The following STXBP6 variants were observed in gnomAD, a reference collection of about 807,000 sequenced individuals.
STXBP6 encodes syntaxin binding protein 6, also known as syntaxin-binding protein 6.
A neutral mutation model predicts 26.9 loss-of-function variants in STXBP6; 21 were observed. The observed-to-expected ratio is 0.78, with a 90% CI of 0.55 to 1.12. STXBP6 has a LOEUF of 1.12. Ranked by LOEUF, STXBP6 falls within the 50% of genes most tolerant of loss-of-function variation. The probability of loss-of-function intolerance (pLI) is 0.00; values close to 1 mark genes in which losing one functional copy is unlikely to be tolerated. For synonymous variants in STXBP6, 97 were observed against 92.6 expected (o/e 1.05, Z -0.27); for missense variants, 232 against 257.9 (o/e 0.90, Z 0.69).
intron 1 of STXBP6, among the ~76,000 whole-genome samples, chr14:25,007,362 G>T (rs1207209931): frequency 6.6e-6 from 1 of 152,166 alleles, no homozygotes; most frequent in Non-Finnish European, 1.5e-5. Context: ...TTCTGACGGT[G>T]ACTGTGATAA....
intron 2 of STXBP6, among the ~76,000 whole-genome samples, chr14:24,902,189 GTCA>G (rs1395405380): frequency 1.3e-5 from 2 of 152,098 alleles, no homozygotes; most frequent in South Asian, 4.1e-4. Context: ...TACAAGAATA[GTCA>G]TCATAAAATG....
intron 2 of STXBP6, among the ~76,000 whole-genome samples, chr14:24,868,706 G>C (rs1046362828): frequency 6.6e-6 from 1 of 152,148 alleles, no homozygotes; most frequent in Non-Finnish European, 1.5e-5. Flanking sequence ...GGCAGGAGTG[G>C]GCATGAAAGC....
At chr14:24,898,548 G>T (rs2071085868) in intron 2 of STXBP6, among the ~76,000 whole-genome samples, 1 of 152,062 alleles carries the variant, frequency 6.6e-6, no homozygotes, top group African/African-American at 2.4e-5. Context: ...GTGGTGGCAT[G>T]CGCCTATAGT....
In STXBP6 at chr14:24,964,679, G is replaced by A. The variant is rs895035678; in HGVS notation, c.154+9986C>T. The stretch of plus-strand genomic sequence containing the variant: ...TGTGTGTGTGTGTGTGTGTGTGTGT[G>A]TGTATGTAAAGGAAGGGTAACAGGA... On this transcript the variant is annotated intron_variant, in intron 2 of 5. Coordinates refer to ENST00000323944, the MANE Select transcript of STXBP6 (RefSeq NM_001394410.1). Among the ~76,000 whole-genome samples the A allele has an allele frequency of 5.9e-4, 90 of 151,798 alleles. 1 individual carries two copies. Among genetic ancestry groups the A allele is most frequent in the African/African-American group, 2.2e-3 (89 of 41,346 alleles).
intron 2 of STXBP6, among the ~76,000 whole-genome samples, chr14:24,970,399 C>T (rs2140175295): frequency 6.6e-6 from 1 of 152,270 alleles, no homozygotes; most frequent in South Asian, 2.1e-4. Context: ...AAAAAATTGC[C>T]TCAGGCCCCT....
chr14:24,863,945 A>G (rs1275281477), intron 2 of STXBP6, among the ~76,000 whole-genome samples: 1 of 152,168 alleles, frequency 6.6e-6, no homozygotes, highest in Non-Finnish European at 1.5e-5. Context: ...ATAACTGTGA[A>G]ACAAACAAAC....
intron 4 of STXBP6, among the ~76,000 whole-genome samples, chr14:24,830,269 AT>A (rs950413926): frequency 6.6e-6 from 1 of 152,114 alleles, no homozygotes; most frequent in Non-Finnish European, 1.5e-5. Flanking sequence ...GACCAAGATA[AT>A]TTTTGGAAAT....
chr14:24,923,723 G>A (rs927706741), intron 2 of STXBP6, among the ~76,000 whole-genome samples: 17 of 152,034 alleles, frequency 1.1e-4, no homozygotes, highest in African/African-American at 4.1e-4. Flanking sequence ...CTGGTCATTT[G>A]CATTTCCTCT....
intron 1 of STXBP6, among the ~76,000 whole-genome samples, chr14:25,034,633 G>A (rs979307861): frequency 3.9e-5 from 6 of 152,226 alleles, no homozygotes; most frequent in Admixed American, 2.0e-4. Flanking sequence ...GGGACCAAAG[G>A]ACAACTTCTC....
intron 1 of STXBP6, among the ~76,000 whole-genome samples, chr14:25,026,671 C>A (rs556179790): frequency 6.6e-6 from 1 of 152,166 alleles, no homozygotes; most frequent in Non-Finnish European, 1.5e-5. Flanking sequence ...GCATACATAA[C>A]TTTTTCACAT....
At chr14:24,963,664 T>A (rs17257661) in intron 2 of STXBP6, among the ~76,000 whole-genome samples, 1 of 152,086 alleles carries the variant, frequency 6.6e-6, no homozygotes, top group Non-Finnish European at 1.5e-5. Flanking sequence ...AGCTTTGACA[T>A]ATTCAAGGTC....
intron 1 of STXBP6, among the ~76,000 whole-genome samples, chr14:25,040,133 A>G (rs555434375): frequency 6.6e-6 from 1 of 152,172 alleles, no homozygotes; most frequent in Non-Finnish European, 1.5e-5. Flanking sequence ...CAGCCTTGCA[A>G]AGGTCATACA....
intron 2 of STXBP6, among the ~76,000 whole-genome samples, chr14:24,918,452 CCACACACA>C (rs55810129): frequency 0.053 from 7,012 of 133,406 alleles, 203 homozygotes; most frequent in Middle Eastern, 0.081. Flanking sequence ...CACACCCCCA[CCACACACA>C]CACACACACA....
intron 4 of STXBP6, among the ~76,000 whole-genome samples, chr14:24,823,536 G>T (rs1027646203): frequency 3.9e-5 from 6 of 152,166 alleles, no homozygotes; most frequent in Middle Eastern, 3.4e-3. Context: ...AATACATATA[G>T]AGATATTTGA....
chr14:24,860,993 C>T (rs1321288309), intron 2 of STXBP6, among the ~76,000 whole-genome samples: 1 of 152,014 alleles, frequency 6.6e-6, no homozygotes, highest in Non-Finnish European at 1.5e-5. Flanking sequence ...TTACTATACA[C>T]ATTGAACTTG....
intron 2 of STXBP6, among the ~76,000 whole-genome samples, chr14:24,929,993 T>G (rs1464613153): frequency 1.3e-5 from 2 of 152,222 alleles, no homozygotes; most frequent in African/African-American, 4.8e-5. Context: ...GTCCTCTAGA[T>G]AGAAGGCTGA....
chr14:24,856,867 A>G (rs1008749597), intron 3 of STXBP6, among the ~76,000 whole-genome samples, 160 bp downstream of exon 3: 1 of 152,082 alleles, frequency 6.6e-6, no homozygotes, highest in Admixed American at 6.6e-5. Context: ...ATAATTTCCC[A>G]TAAGAAAGGA....
intron 4 of STXBP6, among the ~76,000 whole-genome samples, chr14:24,841,562 C>T (rs1431973991): frequency 2.0e-5 from 3 of 152,148 alleles, no homozygotes; most frequent in Admixed American, 2.0e-4. Context: ...GGTAGAGCAT[C>T]TTGTTCTATC....
In STXBP6 at chr14:24,928,126, C is replaced by T. The variant is rs189931121; in HGVS notation, c.154+46539G>A. The stretch of plus-strand genomic sequence containing the variant: ...CCTCGTTAGATTGATCTGTCAGCAC[C>T]CTACGAACTTCCTCTTCTCACTTTC... On this transcript the variant is annotated intron_variant, in intron 2 of 5. Transcript: ENST00000323944. 2.2e-3 allele frequency among the ~76,000 whole-genome samples: 333 copies of T among 152,210 alleles called. 1 individual carries two copies. Among genetic ancestry groups the T allele is most frequent in the African/African-American group, 7.5e-3 (311 of 41,534 alleles).
Sources: gnomAD v4.1 joint callset for allele counts (sites outside exome capture counted in the v4.1 genomes callset) on GRCh38, gnomAD v4.1.1 for gene constraint, MANE v1.5 for transcripts, NCBI Gene and HGNC (gene_info 2026-07-23, HGNC 2026-07-21) for gene names.